CFAP47: variants seen among roughly 807,000 people sequenced by gnomAD.
CFAP47 encodes cilia- and flagella-associated protein 47.
Under a neutral mutation model 148.1 loss-of-function variants are expected in CFAP47, and 29 were observed. That is an observed-to-expected ratio of 0.20 (90% CI 0.15 to 0.27). The LOEUF is 0.27. Ranked by LOEUF, CFAP47 falls within the 10% of genes least tolerant of loss-of-function variation. The pLI, the probability that CFAP47 is intolerant of heterozygous loss-of-function variation, is 1.00. For missense variants in CFAP47, 1,872 were observed against 1,697.5 expected, an observed-to-expected ratio of 1.10 and a Z score of -1.81; for synonymous variants, 664 against 577.3, an observed-to-expected ratio of 1.15 and a Z score of -2.15.
intron 49 of CFAP47, among the ~76,000 whole-genome samples, chrX:36,263,094 A>G (rs1367834292): frequency 8.9e-6 from 1 of 112,049 alleles, no homozygotes; most frequent in Non-Finnish European, 1.9e-5. Flanking sequence ...TGAGCTCCTT[A>G]TATATTCTGG....
intron 57 of CFAP47, among the ~76,000 whole-genome samples, chrX:36,327,435 A>G (rs1941526900): frequency 8.9e-6 from 1 of 112,420 alleles, no homozygotes; most frequent in South Asian, 3.7e-4. Context: ...CACGCTAGTC[A>G]GAATGGCTAT....
At chrX:36,137,845 T>G (rs1394364728) in intron 33 of CFAP47, 113 bp from the exon 34 acceptor site, 2 of 363,502 alleles carry the variant, frequency 5.5e-6, no homozygotes, top group African/African-American at 5.4e-5. Context: ...TAATATACTT[T>G]TTGTTTCCCA....
intron 25 of CFAP47, among the ~76,000 whole-genome samples, chrX:36,044,881 A>G (rs755396219): frequency 8.1e-5 from 9 of 111,551 alleles, no homozygotes; most frequent in Non-Finnish European, 1.1e-4. Context: ...TCTTTTTCAG[A>G]TTGTTATCTG....
intron 26 of CFAP47, among the ~76,000 whole-genome samples, chrX:36,055,856 C>T (rs1228917119): frequency 1.8e-5 from 2 of 111,722 alleles, no homozygotes; most frequent in East Asian, 5.6e-4. Flanking sequence ...GCCATTCTGA[C>T]TGGCGTGAGA....
At chrX:36,265,546 G>T (rs1222899118) in intron 49 of CFAP47, among the ~76,000 whole-genome samples, 1 of 111,702 alleles carries the variant, frequency 9.0e-6, no homozygotes, top group South Asian at 3.8e-4. Context: ...TAGATTTGTT[G>T]TACATGGTTC....
At chrX:36,327,059 A>G (rs989828334) in intron 57 of CFAP47, among the ~76,000 whole-genome samples, 3 of 108,242 alleles carry the variant, frequency 2.8e-5, no homozygotes, top group Non-Finnish European at 5.7e-5. Context: ...AAGAATTTTC[A>G]GCTAAATCAC....
intron 40 of CFAP47, 62 bp downstream of exon 40, chrX:36,179,484 A>C (rs780699275): frequency 4.6e-4 from 134 of 288,188 alleles, no homozygotes; most frequent in African/African-American, 2.9e-3. Flanking sequence ...ATAAGTAGTC[A>C]AGGAAACTAG....
At chrX:36,062,289 C>A (rs985801708) in intron 26 of CFAP47, among the ~76,000 whole-genome samples, 11 of 111,013 alleles carry the variant, frequency 9.9e-5, no homozygotes, top group African/African-American at 3.3e-4. Context: ...ATTTTGTGTG[C>A]TAATGGGAAG....
chrX:36,285,436 T>C (rs782562761), intron 50 of CFAP47, among the ~76,000 whole-genome samples, 193 bp from the exon 51 acceptor site: 3 of 111,910 alleles, frequency 2.7e-5, no homozygotes, highest in African/African-American at 9.7e-5. Flanking sequence ...CTCTTGGCCA[T>C]GCAAGGATGG....
intron 33 of CFAP47, among the ~76,000 whole-genome samples, chrX:36,119,873 CT>C (rs1459069717): frequency 9.0e-6 from 1 of 111,440 alleles, no homozygotes; most frequent in Non-Finnish European, 1.9e-5. Flanking sequence ...TTCTAATGAT[CT>C]TTTGAGTTGT....
intron 8 of CFAP47, among the ~76,000 whole-genome samples, chrX:35,963,108 T>C (rs1188791235): frequency 9.0e-6 from 1 of 110,711 alleles, no homozygotes; most frequent in East Asian, 2.8e-4. Flanking sequence ...GCTACACTTA[T>C]ATGTGGAATC....
intron 56 of CFAP47, among the ~76,000 whole-genome samples, chrX:36,317,177 A>T (rs1363074248): frequency 9.0e-6 from 1 of 111,354 alleles, no homozygotes. Context: ...AGTTGAACAA[A>T]TATTTATGTA....
intron 29 of CFAP47, among the ~76,000 whole-genome samples, chrX:36,075,911 A>G: frequency 9.0e-6 from 1 of 111,679 alleles, no homozygotes; most frequent in African/African-American, 3.3e-5. Context: ...TATATACCAC[A>G]TTTTCTTTAT....
chrX:36,250,360 T>A (rs1190636363), intron 48 of CFAP47, among the ~76,000 whole-genome samples: 1 of 110,757 alleles, frequency 9.0e-6, no homozygotes, highest in Non-Finnish European at 1.9e-5. Flanking sequence ...CTAAAAAAGT[T>A]CAGTTCATGG....
Position 36,000,409 on chromosome X carries a change from G to A in CFAP47, c.3304G>A (p.Asp1102Asn), listed in dbSNP as rs1936900351. ...NLKDFPDFSM[D>N]LKDKSEEFKD... ...AAAAGACTTTCCGGATTTTTCAATG[G>A]ATCTTAAAGACAAATCAGGTATATA... The change falls in exon 20 of 64, where the codon GAT becomes AAT. Residue 1102 changes from aspartate to asparagine, a missense_variant. Physicochemically the swap from Asp to Asn is conservative, Grantham distance 23. Transcript: ENST00000378653. 3.4e-6 allele frequency: 1 copy of A among 293,006 alleles called. No homozygotes were observed. The highest frequency in any genetic ancestry group is 6.3e-5 in the Admixed American group (1 of 15,922). 24.1% of individuals were successfully genotyped at this position (293,006 alleles called of 1,213,427 possible).
At chrX:36,348,045 C>A in intron 57 of CFAP47, 84 bp from the exon 58 acceptor site, 1 of 501,123 alleles carries the variant, frequency 2.0e-6, no homozygotes, top group African/African-American at 2.5e-5. Context: ...AATCAGTAAT[C>A]AAATTAGGTG....
intron 46 of CFAP47, among the ~76,000 whole-genome samples, chrX:36,232,419 C>G (rs1411567316): frequency 5.4e-5 from 6 of 111,697 alleles, no homozygotes; most frequent in African/African-American, 2.0e-4. Context: ...TTGTAGTATT[C>G]TCTGATGGTA....
chrX:35,967,373 A>G lies in CFAP47; in HGVS notation c.1601-246A>G, dbSNP rs779017699. Among the ~76,000 whole-genome samples the G allele has an allele frequency of 4.5e-4, 50 of 111,216 alleles. No homozygotes were observed. The South Asian group carries it at 6.3e-3, about 14-fold the overall frequency. ...ACAAAAAATTTAGTTTCATATGGGT[A>G]AACCTAAATCCTTCAAGTTATCATA... On this transcript the variant is annotated intron_variant, in intron 9 of 63. Coordinates refer to ENST00000378653, the MANE Select transcript of CFAP47 (RefSeq NM_001304548.2).
chrX:36,242,964 G>A (rs1479896502), intron 48 of CFAP47, among the ~76,000 whole-genome samples: 5 of 111,617 alleles, frequency 4.5e-5, no homozygotes, highest in African/African-American at 1.3e-4. Context: ...ACACCTGATC[G>A]TCTACCAATA....
Sources: allele counts gnomAD v4.1 joint callset (sites outside exome capture counted in the v4.1 genomes callset), GRCh38; gene constraint gnomAD v4.1.1; transcripts MANE v1.5; gene names NCBI Gene and HGNC (gene_info 2026-07-23, HGNC 2026-07-21).